Variants in TMC1 observed in about 807,000 individuals in gnomAD.
TMC1 encodes transmembrane channel-like protein 1.
TMC1 carries 84 observed loss-of-function variants against 105.8 expected under a neutral mutation model. That is an observed-to-expected ratio of 0.79 (90% CI 0.67 to 0.95). The LOEUF (loss-of-function observed/expected upper bound fraction) is 0.95. TMC1 is among the 40% of genes least tolerant of loss of function. The pLI is 0.00. For missense variants in TMC1, 817 were observed against 914.1 expected (o/e 0.89, Z 1.37); for synonymous variants, 315 against 311.5 (o/e 1.01, Z -0.12).
intron 3 of TMC1, among the ~76,000 whole-genome samples, chr9:72,624,623 C>T (rs1825314389): frequency 6.6e-6 from 1 of 152,202 alleles, no homozygotes; most frequent in African/African-American, 2.4e-5. Context: ...TGAAATGCAA[C>T]AGCAGACTAT....
At chr9:72,821,248 C>T (rs895894323) in intron 20 of TMC1, among the ~76,000 whole-genome samples, 167 bp downstream of exon 20, 3 of 152,080 alleles carry the variant, frequency 2.0e-5, no homozygotes, top group African/African-American at 7.2e-5. Flanking sequence ...AATCCCAGCA[C>T]TTTGGGAGGC....
At chr9:72,734,590 C>T (rs2117995653) in intron 8 of TMC1, among the ~76,000 whole-genome samples, 1 of 152,070 alleles carries the variant, frequency 6.6e-6, no homozygotes, top group African/African-American at 2.4e-5. Context: ...CTTCGAGTAG[C>T]TTCTTACCTC....
chr9:72,809,395 G>C (rs1020631904), intron 18 of TMC1, among the ~76,000 whole-genome samples: 3 of 152,142 alleles, frequency 2.0e-5, no homozygotes, highest in Non-Finnish European at 4.4e-5. Flanking sequence ...CCTTTGGAAG[G>C]CTCAAAAAAG....
intron 12 of TMC1, among the ~76,000 whole-genome samples, chr9:72,764,898 G>C (rs1827807352): frequency 6.6e-6 from 1 of 152,104 alleles, no homozygotes; most frequent in African/African-American, 2.4e-5. Flanking sequence ...GACAATCTGA[G>C]GCTGATGTAC....
At chr9:72,811,726 A>G (rs997526703) in intron 18 of TMC1, among the ~76,000 whole-genome samples, 5 of 152,208 alleles carry the variant, frequency 3.3e-5, no homozygotes, top group African/African-American at 1.2e-4. Context: ...TGAGAGCCGA[A>G]CAGCGATGGG....
chr9:72,678,912 T>C (rs1826247004), intron 5 of TMC1, among the ~76,000 whole-genome samples: 1 of 152,090 alleles, frequency 6.6e-6, no homozygotes, highest in Non-Finnish European at 1.5e-5. Flanking sequence ...ATGTTACCTT[T>C]AGTGTCTATG....
intron 1 of TMC1, among the ~76,000 whole-genome samples, chr9:72,577,383 A>G (rs960672100): frequency 6.6e-6 from 1 of 152,236 alleles, no homozygotes; most frequent in African/African-American, 2.4e-5. Flanking sequence ...GGTGGAGCAA[A>G]GGAACAAGAA....
At chr9:72,766,416 CAAAAAAAAA>C (rs397894474) in intron 12 of TMC1, among the ~76,000 whole-genome samples, 1 of 68,638 alleles carries the variant, frequency 1.5e-5, no homozygotes, top group Non-Finnish European at 3.1e-5. Flanking sequence ...GACTCTGTCT[CAAAAAAAAA>C]AAAAAAAAAG....
intron 5 of TMC1, among the ~76,000 whole-genome samples, chr9:72,685,192 C>A (rs573429415): frequency 6.8e-6 from 1 of 147,774 alleles, no homozygotes; most frequent in African/African-American, 2.5e-5. Flanking sequence ...CTGCAAGCTC[C>A]GCCTCCCGGG....
At chr9:72,763,281 A>G (rs1278263413) in intron 12 of TMC1, among the ~76,000 whole-genome samples, 1 of 152,154 alleles carries the variant, frequency 6.6e-6, no homozygotes, top group Non-Finnish European at 1.5e-5. Flanking sequence ...TCTTCTTTTC[A>G]TTAACATAGT....
chr9:72,581,097 TAA>T (rs1448195109), intron 2 of TMC1, among the ~76,000 whole-genome samples: 2 of 152,190 alleles, frequency 1.3e-5, no homozygotes, highest in Non-Finnish European at 2.9e-5. Flanking sequence ...TTGGAATACA[TAA>T]AAAATGAATT....
At chr9:72,559,340 C>T (rs538495557) in intron 1 of TMC1, among the ~76,000 whole-genome samples, 25 of 152,256 alleles carry the variant, frequency 1.6e-4, no homozygotes, top group African/African-American at 5.8e-4. Context: ...ATGATCCACC[C>T]GCCTTGGCTT....
chr9:72,572,316 C>T (rs1211309664), intron 1 of TMC1, among the ~76,000 whole-genome samples: 3 of 152,042 alleles, frequency 2.0e-5, no homozygotes, highest in Non-Finnish European at 2.9e-5. Context: ...CCTGCCTTGG[C>T]CTCCTGAGTA....
At chr9:72,633,596 T>C (rs543223831) in intron 4 of TMC1, among the ~76,000 whole-genome samples, 9 of 152,314 alleles carry the variant, frequency 5.9e-5, no homozygotes, top group African/African-American at 2.2e-4. Flanking sequence ...TTATTGATTG[T>C]TCCCACTCAG....
chr9:72,826,586 T>C (rs1331569105), intron 20 of TMC1, among the ~76,000 whole-genome samples: 3 of 152,196 alleles, frequency 2.0e-5, no homozygotes, highest in East Asian at 3.8e-4. Flanking sequence ...TATATTTCAA[T>C]CAAAATCTTA....
At position 72,619,300 on chromosome 9, in the gene TMC1, C is replaced by T. The variant is rs148578607; in HGVS notation, c.-196+2823C>T. 1.4e-4 allele frequency among the ~76,000 whole-genome samples: 21 copies of T among 152,204 alleles called. No individual in the cohort carries two copies. In the East Asian group the frequency reaches 4.0e-3, roughly 29 times the overall value. ...TTATTTAAAATAATGAAATATTAGA[C>T]ACAACTTAAATATTCAAAACTAGCA... is the stretch of plus-strand genomic sequence containing the variant. On this transcript the variant is annotated intron_variant, in intron 3 of 23. Coordinates refer to ENST00000297784, the MANE Select transcript of TMC1 (RefSeq NM_138691.3).
intron 1 of TMC1, among the ~76,000 whole-genome samples, chr9:72,575,179 G>GT (rs751175875): frequency 6.6e-6 from 1 of 152,140 alleles, no homozygotes; most frequent in South Asian, 2.1e-4. Context: ...AGCAAATTAG[G>GT]TTTTTTTGTT....
intron 8 of TMC1, among the ~76,000 whole-genome samples, chr9:72,732,994 C>T (rs1392233262): frequency 6.6e-6 from 1 of 152,138 alleles, no homozygotes; most frequent in Non-Finnish European, 1.5e-5. Flanking sequence ...CATTTAATAA[C>T]TCTCCCCAAA....
At chr9:72,684,201 A>G (rs1380658937) in intron 5 of TMC1, among the ~76,000 whole-genome samples, 1 of 152,164 alleles carries the variant, frequency 6.6e-6, no homozygotes, top group Admixed American at 6.5e-5. Context: ...TTAACAGCAT[A>G]TAAGACCATT....
Sources: allele counts gnomAD v4.1 joint callset (sites outside exome capture counted in the v4.1 genomes callset), GRCh38; gene constraint gnomAD v4.1.1; transcripts MANE v1.5; gene names NCBI Gene and HGNC (gene_info 2026-07-23, HGNC 2026-07-21).